The following UTRN variants were observed in gnomAD, a reference collection of about 807,000 sequenced individuals.
UTRN encodes the protein dystrophin-related protein 1.
UTRN carries 283 observed loss-of-function variants against 463.9 expected under a neutral mutation model. The observed-to-expected ratio is 0.61, with a 90% confidence interval of 0.55 to 0.67. UTRN has a LOEUF of 0.67. UTRN is among the 30% of genes least tolerant of loss of function. The probability of loss-of-function intolerance (pLI) is 0.00; values close to 1 mark genes in which losing one functional copy is unlikely to be tolerated. For missense variants in UTRN, 3,922 were observed against 4,084.3 expected (o/e 0.96, Z 1.08); for synonymous variants, 1,442 against 1,431.5 (o/e 1.01, Z -0.17).
At chr6:144,373,012 G>GA (rs1178403073) in intron 2 of UTRN, among the ~76,000 whole-genome samples, 1 of 152,180 alleles carries the variant, frequency 6.6e-6, no homozygotes, top group Non-Finnish European at 1.5e-5. Flanking sequence ...AATAAAAATG[G>GA]AAAGAAATAC....
chr6:144,564,290 G>A (rs1800198508), intron 50 of UTRN, among the ~76,000 whole-genome samples: 1 of 152,136 alleles, frequency 6.6e-6, no homozygotes, highest in South Asian at 2.1e-4. Context: ...ATAACTTGGT[G>A]GCATTTGAGC....
intron 74 of UTRN, among the ~76,000 whole-genome samples, chr6:144,850,706 G>A (rs1052450221): frequency 1.3e-5 from 2 of 152,058 alleles, no homozygotes; most frequent in Admixed American, 1.3e-4. Context: ...CTCACCATTG[G>A]TACCTTCAGC....
intron 58 of UTRN, among the ~76,000 whole-genome samples, chr6:144,760,292 G>C (rs901346253): frequency 2.6e-5 from 4 of 152,034 alleles, no homozygotes; most frequent in African/African-American, 7.2e-5. Flanking sequence ...CTTCCCATTG[G>C]CTAGAGCACT....
chr6:144,542,918 A>C (rs1295320983), intron 46 of UTRN, 48 bp downstream of exon 46: 1 of 1,536,038 alleles, frequency 6.5e-7, no homozygotes, highest in East Asian at 2.4e-5. Context: ...ATCAGTATGT[A>C]AAATTTTGTG....
chr6:144,716,061 A>C (rs1786409993), intron 53 of UTRN, among the ~76,000 whole-genome samples: 1 of 152,174 alleles, frequency 6.6e-6, no homozygotes, highest in Non-Finnish European at 1.5e-5. Context: ...TTTGAAATGT[A>C]AGCAAATTAA....
At chr6:144,300,523 C>G (rs996663584) in intron 2 of UTRN, among the ~76,000 whole-genome samples, 2 of 152,120 alleles carry the variant, frequency 1.3e-5, no homozygotes, top group African/African-American at 4.8e-5. Context: ...AATCTTTTAC[C>G]TCTTTGAAGA....
At chr6:144,770,703 G>T (rs1226372987) in intron 58 of UTRN, among the ~76,000 whole-genome samples, 3 of 152,086 alleles carry the variant, frequency 2.0e-5, no homozygotes, top group African/African-American at 7.2e-5. Flanking sequence ...AATTAGTTTT[G>T]AAATTTACAG....
intron 51 of UTRN, among the ~76,000 whole-genome samples, chr6:144,641,277 G>A (rs777208178): frequency 4.6e-5 from 7 of 152,118 alleles, no homozygotes; most frequent in Non-Finnish European, 7.4e-5. Flanking sequence ...AAAATGGAGG[G>A]ACGGGTGCTT....
intron 2 of UTRN, among the ~76,000 whole-genome samples, chr6:144,308,191 G>T (rs1185200246): frequency 6.6e-6 from 1 of 152,132 alleles, no homozygotes; most frequent in Middle Eastern, 3.2e-3. Context: ...AGTGATTTGG[G>T]TGTAAACATT....
rs78932581 is a variant in UTRN, at chr6:144,830,729, G to GTT, written c.9665+1883_9665+1884dup. 8.7e-4 allele frequency among the ~76,000 whole-genome samples: 123 copies of GTT among 140,860 alleles called. No homozygotes were observed. The East Asian group carries it at 0.014, about 16-fold the overall frequency. 92.4% of individuals were successfully genotyped at this position (140,860 alleles called of 152,430 possible). On this transcript the variant is annotated intron_variant, in intron 69 of 74. Coordinates refer to ENST00000367545, the MANE Select transcript of UTRN (RefSeq NM_007124.3). ...ATTTGTTTTTTGTTTTTTGTTTTTT[G>GTT]TTTTTTTTTTGCTTTTTTAGCTCAT...
At chr6:144,719,319 C>A (rs1392778779) in intron 53 of UTRN, among the ~76,000 whole-genome samples, 1 of 152,202 alleles carries the variant, frequency 6.6e-6, no homozygotes, top group Non-Finnish European at 1.5e-5. Flanking sequence ...TGGCTCATGC[C>A]TGTGATCATA....
intron 51 of UTRN, among the ~76,000 whole-genome samples, chr6:144,603,171 G>A (rs1804448059): frequency 6.6e-6 from 1 of 152,166 alleles, no homozygotes; most frequent in Non-Finnish European, 1.5e-5. Flanking sequence ...TTTTAGGGCA[G>A]TGGTAAACAT....
At chr6:144,666,997 C>T (rs1217776717) in intron 51 of UTRN, among the ~76,000 whole-genome samples, 1 of 151,626 alleles carries the variant, frequency 6.6e-6, no homozygotes, top group East Asian at 1.9e-4. Context: ...CATCTTAATG[C>T]ACCACTACTA....
chr6:144,652,234 G>A (rs892230459), intron 51 of UTRN, among the ~76,000 whole-genome samples: 1 of 152,140 alleles, frequency 6.6e-6, no homozygotes, highest in African/African-American at 2.4e-5. Context: ...ACCTGTGGAC[G>A]TTCATTTCCT....
At chr6:144,627,681 T>C (rs1282574975) in intron 51 of UTRN, among the ~76,000 whole-genome samples, 2 of 152,214 alleles carry the variant, frequency 1.3e-5, no homozygotes, top group Non-Finnish European at 2.9e-5. Context: ...TGACTACTCT[T>C]ACCTTATACA....
chr6:144,419,033 T>C (rs1183351935), intron 3 of UTRN, among the ~76,000 whole-genome samples: 2 of 152,100 alleles, frequency 1.3e-5, no homozygotes, highest in Admixed American at 6.6e-5. Context: ...ATTTTTGCTA[T>C]GCCTAAGACC....
At chr6:144,291,212 C>A (rs897413894) in intron 1 of UTRN, among the ~76,000 whole-genome samples, 1 of 152,218 alleles carries the variant, frequency 6.6e-6, no homozygotes, top group Non-Finnish European at 1.5e-5. Context: ...TCCTGCCCAG[C>A]TTCTTCACCT....
chr6:144,514,939 C>CCTTCATATGCACAATCACAAA, intron 37 of UTRN, 119 bp downstream of exon 37: 1 of 1,123,274 alleles, frequency 8.9e-7, no homozygotes. Flanking sequence ...TGTTTTCTCT[C>CCTTCATATGCACAATCACAAA]TCTGTCACCG....
chr6:144,691,075 G>C (rs1449547852), intron 52 of UTRN, among the ~76,000 whole-genome samples: 1 of 151,886 alleles, frequency 6.6e-6, no homozygotes, highest in East Asian at 1.9e-4. Context: ...GAAAAAAAAA[G>C]TTTTATTCAG....
Sources: gnomAD v4.1 joint callset for allele counts (sites outside exome capture counted in the v4.1 genomes callset) on GRCh38, gnomAD v4.1.1 for gene constraint, MANE v1.5 for transcripts, NCBI Gene and HGNC (gene_info 2026-07-23, HGNC 2026-07-21) for gene names.